The following ARL16 variants were observed in gnomAD, a reference collection of about 807,000 sequenced individuals.
ARL16 encodes ADP-ribosylation factor-like protein 16.
ARL16 carries 21 observed loss-of-function variants against 14.1 expected under a neutral mutation model. That is an observed-to-expected ratio of 1.48 (90% confidence interval 1.05 to 2.14). The LOEUF is 2.14. Among genes scored for constraint, ARL16 ranks in the 30% most tolerant of loss-of-function variants. The pLI, the probability that ARL16 is intolerant of heterozygous loss-of-function variation, is 0.00. For missense variants in ARL16, 248 were observed against 222.0 expected (o/e 1.12, Z -0.74); for synonymous variants, 122 against 91.8 (o/e 1.33, Z -1.88).
rs377154277 is a variant in ARL16 at position 81,683,000 on chromosome 17, G to C, written c.234+13C>G. The C allele has an allele frequency of 3.1e-6, 5 of 1,608,340 alleles. No homozygotes were observed. Among genetic ancestry groups the C allele is most frequent in the Admixed American group, 3.3e-5 (2 of 60,016 alleles). On this transcript the variant is annotated intron_variant, in intron 3 of 4. Coordinates refer to ENST00000622299, the MANE Select transcript of ARL16 (RefSeq NM_001040025.3). Reference sequence around the variant, plus strand: ...ACTTCCCTAAAGGAAGCCCATATAGGATTACAACCCACCAGGAGAGAACGG... The same window carrying C: ...ACTTCCCTAAAGGAAGCCCATATAGCATTACAACCCACCAGGAGAGAACGG...
chr17:81,683,645 C>CGCCTGTAA lies in ARL16; in HGVS notation c.61+47_61+48insTTACAGGC, dbSNP rs771738169. ...AGCTAAAGGGTGAGTCCCCGCCCCA[C>CGCCTGTAA]TCCGGGTGCCCCCCGCGCCCCGGTC... On this transcript the variant is annotated intron_variant, in intron 1 of 4. Coordinates refer to ENST00000622299, the MANE Select transcript of ARL16 (RefSeq NM_001040025.3). 38 of 1,589,374 alleles carry CGCCTGTAA rather than the reference C, an allele frequency of 2.4e-5. No homozygotes were observed. The African/African-American group carries it at 5.1e-4, about 21-fold the overall frequency.
chr17:81,683,506 G>T (rs1453996840), intron 2 of ARL16, 30 bp downstream of exon 2: 4 of 1,537,522 alleles, frequency 2.6e-6, no homozygotes, highest in Non-Finnish European at 3.5e-6. Flanking sequence ...CTGACCCCCC[G>T]CAACTCCACC....
intron 2 of ARL16, 155 bp downstream of exon 2, chr17:81,683,381 T>C (rs1434962205): frequency 9.1e-7 from 1 of 1,095,126 alleles, no homozygotes; most frequent in Non-Finnish European, 1.3e-6. Flanking sequence ...CCCGCGCCAA[T>C]TATCCTCAGC....
rs957497803 is a variant in ARL16 at position 81,682,851 on chromosome 17, G to A, written c.234+162C>T. The A allele has an allele frequency of 9.2e-6, 6 of 655,118 alleles. No individual in the cohort carries two copies. In the African/African-American group the frequency reaches 9.3e-5, roughly 10 times the overall value. The allele number at this position is 655,118 out of a possible 1,614,324, so 40.6% of individuals were successfully genotyped here. A position where few individuals can be genotyped will look rare whatever the true frequency, so the allele number is the denominator to read the frequency against. ...AGCGCAAGCACCAGAAACCAGACAG[G>A]GTGCCCAGCAGGAAGCAACACTAGC... On this transcript the variant is annotated intron_variant, in intron 3 of 4. Transcript: ENST00000622299.
At position 81,683,702 on chromosome 17, in the gene ARL16, G is replaced by A. The variant is rs748934687; in HGVS notation, c.52C>T (p.Arg18Trp). 1.9e-6 allele frequency: 3 copies of A among 1,605,602 alleles called. No homozygotes were observed. Among genetic ancestry groups the A allele is most frequent in the African/African-American group, 1.3e-5 (1 of 74,812 alleles). ...TGVGKTLLVK[R>W]LQEVSSRDGK... ...CCGCGCGGAAGGATATCCTGCAGCCGTTTCACCAGCAGCGTCTTCCCGACG... is the reference window on the plus strand; with the variant it reads ...CCGCGCGGAAGGATATCCTGCAGCCATTTCACCAGCAGCGTCTTCCCGACG... Residue 18 changes from arginine to tryptophan, a missense_variant, in exon 1 of 5, where the codon CGG becomes TGG. Transcript: ENST00000622299.
chr17:81,682,010 C>T (rs1193547687), intron 4 of ARL16, 24 bp downstream of exon 4: 1 of 1,591,108 alleles, frequency 6.3e-7, no homozygotes, highest in Non-Finnish European at 8.6e-7. Context: ...CCGCTGTGCT[C>T]CCTCTCAGCT....
rs1408084965 is a variant in ARL16, at chr17:81,681,770, C to T, written c.460G>A (p.Glu154Lys). Reference protein sequence around the residue: ...NITTAEISAREGTGLAGVLAW... With the variant: ...NITTAEISARKGTGLAGVLAW... ...AGCACCCCTGCTAAGCCAGTGCCTT[C>T]ACGGGCGCTGATTTCTGCCGTGGTG... The change falls in exon 5 of 5, where the codon GAA (glutamate) becomes AAA (lysine). Residue 154 changes from glutamate (E) to lysine (K), a missense_variant. Physicochemically the swap from Glu to Lys is moderately conservative, Grantham distance 56. Transcript: ENST00000622299. 6.2e-7 allele frequency: 1 copy of T among 1,610,894 alleles called. No individual in the cohort carries two copies. The highest frequency in any genetic ancestry group is 1.1e-5 in the South Asian group (1 of 90,496).
At position 81,683,720 on chromosome 17, in the gene ARL16, T is replaced by C; in HGVS notation, c.34A>G (p.Lys12Glu). 6.2e-7 allele frequency: 1 copy of C among 1,607,516 alleles called. No individual in the cohort carries two copies. The highest frequency in any genetic ancestry group is 8.5e-7 in the Non-Finnish European group (1 of 1,178,194). The part of the protein sequence containing the change: ...CLLLGATGVG[K>E]TLLVKRLQEV... ...TGCAGCCGTTTCACCAGCAGCGTCT[T>C]CCCGACGCCCGTGGCCCCCAGCAGG... Residue 12 changes from lysine to glutamate, a missense_variant, in exon 1 of 5, where the codon AAG becomes GAG. Coordinates refer to ENST00000622299, the MANE Select transcript of ARL16 (RefSeq NM_001040025.3).
chr17:81,682,231 G>T, intron 3 of ARL16, 82 bp from the exon 4 acceptor site: 2 of 954,466 alleles, frequency 2.1e-6, no homozygotes, highest in Non-Finnish European at 1.5e-6. Context: ...CACTGGGAGA[G>T]CAAAACTGCA....
At position 81,681,557 on chromosome 17, in the gene ARL16, T is replaced by C. The variant is rs2036844384; in HGVS notation, c.*151A>G. On this transcript the variant is annotated 3_prime_UTR_variant, in exon 5 of 5. Coordinates refer to ENST00000622299, the MANE Select transcript of ARL16 (RefSeq NM_001040025.3). ...CAACTTCCATCTCCACATGCCTCAGTTTACACATCATTGCATCTCAGCACA... is the reference window on the plus strand; with the variant it reads ...CAACTTCCATCTCCACATGCCTCAGCTTACACATCATTGCATCTCAGCACA... The C allele has an allele frequency of 3.1e-6, 3 of 974,610 alleles. No homozygotes were observed. Among genetic ancestry groups the C allele is most frequent in the Non-Finnish European group, 4.4e-6 (3 of 685,400 alleles). 60.4% of individuals were successfully genotyped at this position (974,610 alleles called of 1,614,324 possible).
In ARL16 at chr17:81,681,804, C is replaced by T. The variant is rs1436173939; in HGVS notation, c.426G>A (p.Lys142=). Residue 142 remains lysine (K), a synonymous_variant, in exon 5 of 5, where the codon AAG becomes AAA. Transcript: ENST00000622299. ...IRLPDIIACA[K]QNITTAEISA... Reference sequence around the variant, plus strand: ...TGATTTCTGCCGTGGTGATGTTCTGCTTGGCACAAGCAATGATGTCTGGAA... The same window carrying T: ...TGATTTCTGCCGTGGTGATGTTCTGTTTGGCACAAGCAATGATGTCTGGAA... 1 of 1,612,832 alleles carries T rather than the reference C, an allele frequency of 6.2e-7. No individual in the cohort carries two copies. Among genetic ancestry groups the T allele is most frequent in the African/African-American group, 1.3e-5 (1 of 74,882 alleles).
rs2036893445 is a variant in ARL16 at position 81,683,282 on chromosome 17, G to A, written c.121-156C>T. 4 of 832,722 alleles carry A rather than the reference G, an allele frequency of 4.8e-6. No homozygotes were observed. The East Asian group carries it at 8.1e-5, about 17-fold the overall frequency. The allele number at this position is 832,722 out of a possible 1,614,324, so 51.6% of individuals were successfully genotyped here. ...GGCGAGCAGGGACCGACGCCCATCA[G>A]TAGCTGGACTCGCTGTGGGGGCGAC... On this transcript the variant is annotated intron_variant, in intron 2 of 4. Coordinates refer to ENST00000622299, the MANE Select transcript of ARL16 (RefSeq NM_001040025.3).
chr17:81,683,234 C>T, intron 2 of ARL16, 108 bp from the exon 3 acceptor site: 1 of 1,062,840 alleles, frequency 9.4e-7, no homozygotes, highest in East Asian at 2.4e-5. Context: ...ACCCCGCAGA[C>T]CCATTCTCCC....
In ARL16 at chr17:81,681,385, G is replaced by A. The variant is rs1197442642; in HGVS notation, c.*323C>T. ...CCCAGCTAATTTTGTATTTTTAGTAGAGACAGGGTTTCTCCATGTTGGTCA... is the reference window on the plus strand; with the variant it reads ...CCCAGCTAATTTTGTATTTTTAGTAAAGACAGGGTTTCTCCATGTTGGTCA... On this transcript the variant is annotated 3_prime_UTR_variant, in exon 5 of 5. Coordinates refer to ENST00000622299, the MANE Select transcript of ARL16 (RefSeq NM_001040025.3). The A allele has an allele frequency of 3.0e-5, 6 of 202,622 alleles. No homozygotes were observed. Among genetic ancestry groups the A allele is most frequent in the Non-Finnish European group, 6.0e-5 (6 of 99,384 alleles). The allele number at this position is 202,622 out of a possible 1,614,324, so 12.6% of individuals were successfully genotyped here. A position where few individuals can be genotyped will look rare whatever the true frequency, so the allele number is the denominator to read the frequency against.
Position 81,683,559 on chromosome 17 carries a change from C to A in ARL16, c.97G>T (p.Glu33Ter). 1 of 1,600,222 alleles carries A rather than the reference C, an allele frequency of 6.2e-7. No individual in the cohort carries two copies. The highest frequency in any genetic ancestry group is 1.3e-5 in the African/African-American group (1 of 74,802). The change falls in exon 2 of 5, where the codon GAG becomes TAG. Residue 33 changes from glutamate to a stop codon, truncating the protein, a stop_gained. Coordinates refer to ENST00000622299, the MANE Select transcript of ARL16 (RefSeq NM_001040025.3). LOFTEE classifies it high-confidence loss of function. ...SSRDGKGDLG[E>*]PPPTRPTVGT... ...ACCGTGGGCCGTGTCGGGGGCGGCT[C>A]CCCCAGGTCGCCTTTCCCATCCCGG... is the stretch of plus-strand genomic sequence containing the variant.
Position 81,682,032 on chromosome 17 carries a change from A to G in ARL16, c.350+2T>C. ...GCTCCCTCTCAGCTCAGGGACGCGT[A>G]CATTTTATTGAAGAGTATCAGCACC... is the stretch of plus-strand genomic sequence containing the variant. On this transcript the variant is annotated splice_donor_variant, in intron 4 of 4. Transcript: ENST00000622299. LOFTEE classifies it high-confidence loss of function. 3 of 1,606,082 alleles carry G rather than the reference A, an allele frequency of 1.9e-6. No homozygotes were observed. The highest frequency in any genetic ancestry group is 1.1e-5 in the South Asian group (1 of 90,388).
In ARL16 at chr17:81,683,506, G is replaced by C. The variant is rs1453996840; in HGVS notation, c.120+30C>G. ...TCGCCAAGCGCAGAACTGACCCCCC[G>C]CAACTCCACCCGCGGGGGCGGACAC... On this transcript the variant is annotated intron_variant, in intron 2 of 4. Transcript: ENST00000622299. The C allele has an allele frequency of 2.6e-6, 4 of 1,537,522 alleles. No homozygotes were observed. In the East Asian group the frequency reaches 9.2e-5, roughly 36 times the overall value.
chr17:81,683,772 C>A lies in ARL16; in HGVS notation c.-19G>T. The stretch of plus-strand genomic sequence containing the variant: ...GACACATTCCGTGCTTCGCTCCACC[C>A]GGCACCCGTAGCTCGGCGCCGCGGC... On this transcript the variant is annotated 5_prime_UTR_variant, in exon 1 of 5. Coordinates refer to ENST00000622299, the MANE Select transcript of ARL16 (RefSeq NM_001040025.3). The A allele has an allele frequency of 6.2e-7, 1 of 1,606,892 alleles. No individual in the cohort carries two copies. Among genetic ancestry groups the A allele is most frequent in the Non-Finnish European group, 8.5e-7 (1 of 1,179,384 alleles).
At chr17:81,683,409 C>T in intron 2 of ARL16, 127 bp downstream of exon 2, 1 of 1,273,368 alleles carries the variant, frequency 7.9e-7, no homozygotes, top group Non-Finnish European at 1.1e-6. Flanking sequence ...GTCCCCCGCT[C>T]CCGAAGGCTG....
Sources: allele counts gnomAD v4.1 joint callset, GRCh38; gene constraint gnomAD v4.1.1; transcripts MANE v1.5; gene names NCBI Gene and HGNC (gene_info 2026-07-23, HGNC 2026-07-21).